RNF213: variants seen among roughly 807,000 people sequenced by gnomAD.
RNF213 encodes E3 ubiquitin-protein ligase RNF213.
Under a neutral mutation model 514.4 loss-of-function variants are expected in RNF213, and 341 were observed. The observed-to-expected ratio is 0.66, with a 90% confidence interval of 0.61 to 0.73. RNF213 has a LOEUF of 0.73. Among genes scored for constraint, RNF213 ranks in the 30% least tolerant of loss-of-function variants. The probability of loss-of-function intolerance (pLI) is 0.00; values close to 1 mark genes in which losing one functional copy is unlikely to be tolerated. For synonymous variants in RNF213, 2,655 were observed against 2,658.2 expected (o/e 1.00, Z 0.04); for missense variants, 5,767 against 6,615.6 (o/e 0.87, Z 4.45).
chr17:80,344,761 G>C lies in RNF213; in HGVS notation c.6426G>C (p.Glu2142Asp), dbSNP rs2078255802. The C allele has an allele frequency of 1.9e-6, 3 of 1,614,188 alleles. No homozygotes were observed. The African/African-American group carries it at 4.0e-5, about 22-fold the overall frequency. ...CTCCCAAAGAGGTGATAGACATGGA[G>C]CTGAGTGCCCTGAGGAGTGACACAG... ...CRPPKEVIDM[E>D]LSALRSDTEP... The change falls in exon 29 of 68, where the codon GAG (glutamate) becomes GAC (aspartate). Residue 2142 changes from glutamate to aspartate, a missense_variant. By Grantham distance (45) the Glu-to-Asp change is conservative. Transcript: ENST00000582970.
Position 80,388,636 on chromosome 17 carries a change from C to A in RNF213, c.14947C>A (p.His4983Asn). ...LKGIPTLVYR[H>N]DWNYEHLFMD... is the part of the protein sequence containing the mutation. Reference sequence around the variant, plus strand: ...GGGAATACCCACTCTGGTGTACAGACACGACTGGAACTATGAACATCTCTT... The same window carrying A: ...GGGAATACCCACTCTGGTGTACAGAAACGACTGGAACTATGAACATCTCTT... Residue 4983 changes from histidine (H) to asparagine (N), a missense_variant, in exon 64 of 68, where the codon CAC becomes AAC. This residue lies in a region of RNF213 where 1,245 missense variants were observed against 1,339.0 expected (regional missense o/e 0.93). Coordinates refer to ENST00000582970, the MANE Select transcript of RNF213 (RefSeq NM_001256071.3). The A allele has an allele frequency of 6.2e-7, 1 of 1,612,684 alleles. No individual in the cohort carries two copies. Among genetic ancestry groups the A allele is most frequent in the Non-Finnish European group, 8.5e-7 (1 of 1,179,066 alleles).
intron 2 of RNF213, among the ~76,000 whole-genome samples, chr17:80,269,764 G>GTCCA (rs760267891): frequency 2.8e-5 from 4 of 145,066 alleles, no homozygotes; most frequent in African/African-American, 5.0e-5. Flanking sequence ...CTATCCATCC[G>GTCCA]TCCATCCATC....
intron 57 of RNF213, 62 bp from the exon 58 acceptor site, chr17:80,382,917 A>T (rs1193186054): frequency 1.0e-6 from 1 of 965,690 alleles, no homozygotes; most frequent in Admixed American, 1.7e-5. Context: ...AGGGTTTATT[A>T]TACGCAGACT....
intron 42 of RNF213, chr17:80,365,278 A>C (rs1397439312): frequency 2.0e-5 from 3 of 153,438 alleles, no homozygotes; most frequent in Non-Finnish European, 4.3e-5. Flanking sequence ...TACTAAAAGG[A>C]GGCCAGCATG....
At chr17:80,341,304 C>G (rs2078149670) in intron 26 of RNF213, 1 of 152,236 alleles carries the variant, frequency 6.6e-6, no homozygotes, top group Admixed American at 6.5e-5. Flanking sequence ...GTCGTGTGAG[C>G]AAGGGGAGGT....
chr17:80,300,368 G>A (rs1003431451), intron 11 of RNF213, among the ~76,000 whole-genome samples: 1 of 151,758 alleles, frequency 6.6e-6, no homozygotes, highest in Non-Finnish European at 1.5e-5. Flanking sequence ...CGGCACAAGC[G>A]ATTCTGCTGG....
chr17:80,350,110 G>T (rs1056578919), intron 30 of RNF213, among the ~76,000 whole-genome samples, 191 bp from the exon 31 acceptor site: 4 of 152,114 alleles, frequency 2.6e-5, no homozygotes, highest in African/African-American at 9.7e-5. Flanking sequence ...TCCTCCGAGA[G>T]CACCATCCTC....
rs940349682 is a variant in RNF213 at position 80,298,517 on chromosome 17, A to G, written c.2209A>G (p.Thr737Ala). 11 of 1,614,114 alleles carry G rather than the reference A, an allele frequency of 6.8e-6. No individual in the cohort carries two copies. The highest frequency in any genetic ancestry group is 1.3e-5 in the African/African-American group (1 of 75,028). The change falls in exon 11 of 68, where the codon ACG (threonine) becomes GCG (alanine). Residue 737 changes from threonine to alanine, a missense_variant and splice_region_variant. Transcript: ENST00000582970. ...FSPFREQMLD[T>A]SSLLQFMREK... The stretch of plus-strand genomic sequence containing the variant: ...ACCGTTCCGGGAACAAATGCTAGAT[A>G]CGTAAGTCGTAGAGTTGTGCTTATC...
chr17:80,269,449 CATCTATTCATCCATCCATTCATCTATTCT>C (rs1483921743), intron 2 of RNF213, among the ~76,000 whole-genome samples: 22 of 146,988 alleles, frequency 1.5e-4, no homozygotes, highest in East Asian at 4.0e-4. Context: ...TCTATCCATC[CATCTATTCATCCATCCATTCATCTATTCT>C]ATCTATCCAT....
In RNF213 at chr17:80,348,052, C is replaced by G; in HGVS notation, c.9717C>G (p.Pro3239=). The part of the protein sequence containing the change: ...VVLQVIERQG[P]RALTEELHQK... The stretch of plus-strand genomic sequence containing the variant: ...TGCAGGTCATAGAGAGGCAGGGTCC[C>G]CGGGCCTTGACGGAGGAACTTCACC... Residue 3239 remains proline, a synonymous_variant, in exon 29 of 68, where the codon CCC becomes CCG. Coordinates refer to ENST00000582970, the MANE Select transcript of RNF213 (RefSeq NM_001256071.3). 6.2e-7 allele frequency: 1 copy of G among 1,614,180 alleles called. No individual in the cohort carries two copies. Among genetic ancestry groups the G allele is most frequent in the Non-Finnish European group, 8.5e-7 (1 of 1,180,044 alleles).
intron 57 of RNF213, 34 bp downstream of exon 57, chr17:80,381,761 C>T (rs763173645): frequency 5.0e-6 from 8 of 1,594,628 alleles, no homozygotes; most frequent in East Asian, 4.5e-5. Context: ...GCGGGGATCA[C>T]ACAGCACAAC....
At chr17:80,328,545 G>A in intron 20 of RNF213, 68 bp downstream of exon 20, 4 of 1,464,986 alleles carry the variant, frequency 2.7e-6, no homozygotes, top group Non-Finnish European at 3.7e-6. Context: ...CAGTAAGAAT[G>A]GATCACAGTA....
Position 80,317,709 on chromosome 17 carries a change from C to T in RNF213, c.2901+432C>T, listed in dbSNP as rs72849868. Among the ~76,000 whole-genome samples the T allele has an allele frequency of 0.037, 5,700 of 152,258 alleles. 158 individuals are homozygous for T. Among genetic ancestry groups the T allele is most frequent in the Admixed American group, 0.067 (1,019 of 15,296 alleles). Reference sequence around the variant, plus strand: ...CCCAGATTGAGGTGCCTGCAACCCCCGAAGCTCCAGAGGGCATGTTACAGT... The same window carrying T: ...CCCAGATTGAGGTGCCTGCAACCCCTGAAGCTCCAGAGGGCATGTTACAGT... On this transcript the variant is annotated intron_variant, in intron 16 of 67. Transcript: ENST00000582970. This position sits in a 1 kb window ranked among gnomAD's most constrained non-coding sequence, Gnocchi z 4.1.
rs1014180110 is a variant in RNF213, at chr17:80,345,981, T to A, written c.7646T>A (p.Met2549Lys). 1 of 1,614,116 alleles carries A rather than the reference T, an allele frequency of 6.2e-7. No homozygotes were observed. The highest frequency in any genetic ancestry group is 1.3e-5 in the African/African-American group (1 of 74,944). ...ESAGLGYRVS[M>K]EETADRLGSI... ...GCTGGTTTGGGCTACAGGGTTAGTA[T>A]GGAGGAGACGGCCGACAGGCTGGGC... The change falls in exon 29 of 68, where the codon ATG (methionine) becomes AAG (lysine). Residue 2549 changes from methionine to lysine, a missense_variant. Around this residue, in one of 13 missense-constraint regions of RNF213, gnomAD observed 1,377 missense variants for 1,635.2 expected, o/e 0.84. Transcript: ENST00000582970. The surrounding 1 kb of genome is among the most constrained non-coding windows in gnomAD (Gnocchi z 6.0).
chr17:80,297,933 TGA>T (rs1341544459), intron 10 of RNF213, among the ~76,000 whole-genome samples: 1 of 152,068 alleles, frequency 6.6e-6, no homozygotes, highest in African/African-American at 2.4e-5. Context: ...GATGACAGAG[TGA>T]GACTCTGTCT....
rs768295348 is a variant in RNF213 at position 80,346,059 on chromosome 17, T to A, written c.7724T>A (p.Leu2575Gln). 20 of 1,614,068 alleles carry A rather than the reference T, an allele frequency of 1.2e-5. No individual in the cohort carries two copies. In the South Asian group the frequency reaches 2.2e-4, roughly 18 times the overall value. Reference sequence around the variant, plus strand: ...CGGGTCCATGCTCTGCCCCCGAGCCTGATTCCTCTGGTGTGGGACTTTGGA... The same window carrying A: ...CGGGTCCATGCTCTGCCCCCGAGCCAGATTCCTCTGGTGTGGGACTTTGGA... ...VYRVHALPPS[L>Q]IPLVWDFGQL... The change falls in exon 29 of 68, where the codon CTG (leucine) becomes CAG (glutamine). Residue 2575 changes from leucine to glutamine, a missense_variant. By Grantham distance (113) the Leu-to-Gln change is moderately radical. Coordinates refer to ENST00000582970, the MANE Select transcript of RNF213 (RefSeq NM_001256071.3). The surrounding 1 kb of genome is among the most constrained non-coding windows in gnomAD (Gnocchi z 8.1).
In RNF213 at chr17:80,369,572, A is replaced by G. The variant is rs746280089; in HGVS notation, c.12226A>G (p.Ile4076Val). 1.9e-6 allele frequency: 3 copies of G among 1,614,176 alleles called. No homozygotes were observed. The highest frequency in any genetic ancestry group is 3.3e-5 in the Admixed American group (2 of 60,018). The change falls in exon 45 of 68, where the codon ATT (isoleucine) becomes GTT (valine). Residue 4076 changes from isoleucine (I) to valine (V), a missense_variant. By Grantham distance (29) the Ile-to-Val change is conservative. Transcript: ENST00000582970. The part of the protein sequence containing the change: ...NSFFVDLVST[I>V]CFKDNAPPEK... ...TTTCTTCGTAGACCTGGTGTCCACC[A>G]TTTGCTTCAAGGACAACGCTCCGCC...
chr17:80,295,818 T>C lies in RNF213; in HGVS notation c.2012+5T>C. 1 of 1,614,114 alleles carries C rather than the reference T, an allele frequency of 6.2e-7. No homozygotes were observed. The highest frequency in any genetic ancestry group is 8.5e-7 in the Non-Finnish European group (1 of 1,179,968). On this transcript the variant is annotated splice_donor_5th_base_variant and intron_variant, in intron 10 of 67. Coordinates refer to ENST00000582970, the MANE Select transcript of RNF213 (RefSeq NM_001256071.3). ...CATCCTTGGGATACCTCAGAGGTAT[T>C]ATTATTTTTTGTCAAAATGTTTTTT...
At chr17:80,295,992 A>G (rs1267668684) in intron 10 of RNF213, among the ~76,000 whole-genome samples, 179 bp downstream of exon 10, 1 of 152,056 alleles carries the variant, frequency 6.6e-6, no homozygotes, top group Non-Finnish European at 1.5e-5. Context: ...TCTTATTTTT[A>G]TTATATTCTG....
Sources: gnomAD v4.1 joint callset for allele counts (sites outside exome capture counted in the v4.1 genomes callset) on GRCh38, gnomAD v4.1.1 for gene constraint, gnomAD v4.1.1 regional missense constraint, Gnocchi (gnomAD v3.1) non-coding constraint, MANE v1.5 for transcripts, NCBI Gene and HGNC (gene_info 2026-07-23, HGNC 2026-07-21) for gene names.